PUDP: variants seen among roughly 807,000 people sequenced by gnomAD.
The protein encoded by PUDP is pseudouridine-5'-phosphatase.
Under a neutral mutation model 9.4 loss-of-function variants are expected in PUDP, and 8 were observed. The observed-to-expected ratio is 0.85, with a 90% CI of 0.50 to 1.53. The LOEUF is 1.53. Among genes scored for constraint, PUDP ranks in the 40% most tolerant of loss-of-function variants. PUDP has a pLI of 0.00. For synonymous variants in PUDP, 99 were observed against 80.7 expected (o/e 1.23, Z -1.22); for missense variants, 188 against 189.7 (o/e 0.99, Z 0.05).
In PUDP at chrX:7,125,293, G is replaced by A. The variant is rs769345847; in HGVS notation, c.62-19455C>T. ...CCATTTCCTATTGATGCACCATGAT[G>A]CTTCCATTTAGCTAATGGCAATAAT... is the stretch of plus-strand genomic sequence containing the variant. On this transcript the variant is annotated intron_variant, in intron 1 of 3. Transcript: ENST00000381077. Among the ~76,000 whole-genome samples the A allele has an allele frequency of 2.5e-3, 281 of 111,437 alleles. 2 individuals are homozygous for A. The highest frequency in any genetic ancestry group is 8.2e-3 in the African/African-American group (251 of 30,703).
intron 3 of PUDP, among the ~76,000 whole-genome samples, chrX:6,884,226 T>C (rs1021104926): frequency 8.9e-6 from 1 of 111,943 alleles, no homozygotes. Flanking sequence ...CAATTTGAGT[T>C]TTGGGAAAGG....
At chrX:6,743,350 C>A (rs1428124851) in intron 3 of PUDP, among the ~76,000 whole-genome samples, 1 of 111,586 alleles carries the variant, frequency 9.0e-6, no homozygotes, top group Non-Finnish European at 1.9e-5. Context: ...TTGCTACAGG[C>A]TAACATTGAC....
At chrX:7,137,377 C>T (rs760443218) in intron 1 of PUDP, among the ~76,000 whole-genome samples, 1 of 107,565 alleles carries the variant, frequency 9.3e-6, no homozygotes, top group South Asian at 4.2e-4. Flanking sequence ...CCTGTCTCTA[C>T]TAAAAAAAAA....
At chrX:6,765,522 G>C (rs747623040) in intron 3 of PUDP, among the ~76,000 whole-genome samples, 1 of 111,686 alleles carries the variant, frequency 9.0e-6, no homozygotes, top group Non-Finnish European at 1.9e-5. Flanking sequence ...CTATCATGTC[G>C]ATTTCTACAA....
At chrX:7,068,750 C>T (rs1176531307) in intron 3 of PUDP, among the ~76,000 whole-genome samples, 1 of 111,687 alleles carries the variant, frequency 9.0e-6, no homozygotes, top group Non-Finnish European at 1.9e-5. Flanking sequence ...GAGTGTTGGC[C>T]GTGTTTTCAG....
At chrX:7,075,277 C>T (rs1478849935) in intron 3 of PUDP, among the ~76,000 whole-genome samples, 1 of 111,745 alleles carries the variant, frequency 8.9e-6, no homozygotes, top group Non-Finnish European at 1.9e-5. Flanking sequence ...GAGGCTGAGG[C>T]GGGTGGATCA....
intron 2 of PUDP, among the ~76,000 whole-genome samples, chrX:7,079,737 C>T (rs1192871836): frequency 1.8e-5 from 2 of 112,516 alleles, no homozygotes; most frequent in African/African-American, 6.4e-5. Flanking sequence ...CAAAGGGAAA[C>T]TAGGTAATAT....
At chrX:6,785,942 A>G (rs1925639750) in intron 3 of PUDP, among the ~76,000 whole-genome samples, 1 of 111,493 alleles carries the variant, frequency 9.0e-6, no homozygotes, top group Admixed American at 9.6e-5. Flanking sequence ...GAGGTCCTGT[A>G]TGATGGAACC....
intron 3 of PUDP, among the ~76,000 whole-genome samples, chrX:6,902,320 C>T (rs764603030): frequency 2.7e-4 from 30 of 112,027 alleles, no homozygotes; most frequent in African/African-American, 9.7e-4. Context: ...TTCCCTCAAC[C>T]AGGCTTGACC....
intron 3 of PUDP, among the ~76,000 whole-genome samples, chrX:6,762,976 T>C (rs1208917869): frequency 1.8e-5 from 2 of 112,824 alleles, no homozygotes; most frequent in Non-Finnish European, 3.7e-5. Flanking sequence ...TTTGAAAATA[T>C]GATTTTAGTG....
At position 6,940,690 on chromosome X, in the gene PUDP, A is replaced by G. The variant is rs141412064; in HGVS notation, c.*247+36443T>C. 1.3e-3 allele frequency among the ~76,000 whole-genome samples: 146 copies of G among 111,235 alleles called. 5 individuals are homozygous for G. In the East Asian group the frequency reaches 0.035, roughly 27 times the overall value. The stretch of plus-strand genomic sequence containing the variant: ...GAGCCATCTTCCTTGCAGGATTAGG[A>G]AACAGAGACACGAGAGTAACAAGTC... On this transcript the variant is annotated intron_variant and NMD_transcript_variant, in intron 3 of 3. Coordinates refer to the PUDP transcript ENST00000655425.
At chrX:6,799,667 G>T (rs1368594896) in intron 3 of PUDP, among the ~76,000 whole-genome samples, 1 of 111,021 alleles carries the variant, frequency 9.0e-6, no homozygotes, top group African/African-American at 3.3e-5. Flanking sequence ...GAGAAACCCA[G>T]TCTCTACTAA....
intron 2 of PUDP, among the ~76,000 whole-genome samples, chrX:7,097,739 G>A (rs1371926881): frequency 9.0e-6 from 1 of 111,690 alleles, no homozygotes; most frequent in African/African-American, 3.3e-5. Context: ...ACTTCCAGAG[G>A]ATGAGTGCCT....
intron 3 of PUDP, among the ~76,000 whole-genome samples, chrX:6,765,487 A>G (rs966603257): frequency 1.1e-4 from 12 of 112,221 alleles, no homozygotes; most frequent in Non-Finnish European, 2.1e-4. Flanking sequence ...AATTACAAAT[A>G]TTTTAATTAT....
chrX:7,067,571 G>A (rs1171280853), intron 3 of PUDP, among the ~76,000 whole-genome samples: 1 of 111,863 alleles, frequency 8.9e-6, no homozygotes, highest in Non-Finnish European at 1.9e-5. Flanking sequence ...GGGAGAGGGA[G>A]AGCCTGAAGG....
chrX:6,806,102 C>T (rs1173192733), intron 3 of PUDP, among the ~76,000 whole-genome samples: 3 of 111,134 alleles, frequency 2.7e-5, no homozygotes, highest in Non-Finnish European at 5.7e-5. Context: ...GACAGAGAGA[C>T]GTCTACTACC....
At chrX:6,831,128 C>A (rs1405680567) in intron 3 of PUDP, among the ~76,000 whole-genome samples, 2 of 110,868 alleles carry the variant, frequency 1.8e-5, no homozygotes, top group African/African-American at 6.6e-5. Flanking sequence ...TGGGTGGGGG[C>A]CACAAGATCA....
At chrX:6,922,409 T>A (rs1161208206) in intron 3 of PUDP, among the ~76,000 whole-genome samples, 1 of 111,417 alleles carries the variant, frequency 9.0e-6, no homozygotes, top group East Asian at 2.8e-4. Context: ...TTTTTTAAAT[T>A]AAAAAATAAA....
At chrX:6,909,593 T>A (rs1323039245) in intron 3 of PUDP, among the ~76,000 whole-genome samples, 2 of 111,912 alleles carry the variant, frequency 1.8e-5, no homozygotes, top group African/African-American at 6.5e-5. Context: ...GCTTTCAGGC[T>A]ACAGATGCAA....
Sources: allele counts gnomAD v4.1 joint callset (sites outside exome capture counted in the v4.1 genomes callset), GRCh38; gene constraint gnomAD v4.1.1; transcripts MANE v1.5; gene names NCBI Gene and HGNC (gene_info 2026-07-23, HGNC 2026-07-21).